Variants in LIMA1 observed in about 807,000 individuals in gnomAD.
LIMA1 encodes the protein LIM domain and actin binding 1.
Under a neutral mutation model 62.6 loss-of-function variants are expected in LIMA1, and 52 were observed. That is an observed-to-expected ratio of 0.83 (90% confidence interval 0.67 to 1.05). The LOEUF (loss-of-function observed/expected upper bound fraction) is 1.05. LIMA1 is among the 50% of genes least tolerant of loss of function. The pLI is 0.00. For missense variants in LIMA1, 780 were observed against 902.2 expected (o/e 0.86, Z 1.74); for synonymous variants, 302 against 317.8 (o/e 0.95, Z 0.53).
intron 1 of LIMA1, among the ~76,000 whole-genome samples, chr12:50,280,144 ATTTTTTTTTTTTTTT>A (rs71441354): frequency 1.5e-4 from 10 of 68,266 alleles, no homozygotes; most frequent in African/African-American, 4.8e-4. Flanking sequence ...GGGTAGTAGT[ATTTTTTTTTTTTTTT>A]TTTTTTTTTT....
intron 4 of LIMA1, among the ~76,000 whole-genome samples, chr12:50,210,432 A>G (rs888191124): frequency 5.3e-5 from 8 of 151,406 alleles, no homozygotes; most frequent in African/African-American, 1.5e-4. Flanking sequence ...AAAAAAAAAA[A>G]AAAGAAAAAA....
chr12:50,184,816 C>T (rs919450149), intron 9 of LIMA1, among the ~76,000 whole-genome samples: 33 of 151,870 alleles, frequency 2.2e-4, no homozygotes, highest in East Asian at 1.9e-4. Context: ...GGGAATTCTG[C>T]GTTTTTTGTT....
chr12:50,220,399 C>G lies in LIMA1; in HGVS notation c.630+1622G>C, dbSNP rs1941421056. On this transcript the variant is annotated intron_variant, in intron 4 of 10. Coordinates refer to ENST00000341247, the MANE Select transcript of LIMA1 (RefSeq NM_016357.5). ...ATGGAAAGTTTTTCTCCTCTCCAAG[C>G]AGCCTTAGGGAGATAGGCTTGTTCT... 3 of 152,108 alleles carry G rather than the reference C, an allele frequency of 2.0e-5. No homozygotes were observed. In the South Asian group the frequency reaches 6.2e-4, roughly 32 times the overall value. The allele number at this position is 152,108 out of a possible 1,614,324, so 9.4% of individuals were successfully genotyped here.
At chr12:50,267,051 T>C (rs902847761) in intron 1 of LIMA1, among the ~76,000 whole-genome samples, 15 of 151,758 alleles carry the variant, frequency 9.9e-5, no homozygotes, top group African/African-American at 3.6e-4. Flanking sequence ...CGTGCCACCA[T>C]GCCCAGCTAA....
chr12:50,186,970 T>A (rs1940645253), intron 9 of LIMA1: 2 of 152,190 alleles, frequency 1.3e-5, no homozygotes, highest in Non-Finnish European at 2.9e-5. Context: ...ATGAAATTAA[T>A]CCCACGACAG....
At chr12:50,271,100 C>T (rs1459169476) in intron 1 of LIMA1, among the ~76,000 whole-genome samples, 2 of 150,884 alleles carry the variant, frequency 1.3e-5, no homozygotes, top group Non-Finnish European at 3.0e-5. Context: ...TCAAAACAAA[C>T]AAACAAACAA....
At chr12:50,194,967 G>T (rs1325344539) in intron 8 of LIMA1, among the ~76,000 whole-genome samples, 1 of 152,112 alleles carries the variant, frequency 6.6e-6, no homozygotes, top group African/African-American at 2.4e-5. Context: ...AGAATCGCTT[G>T]AACCTGGGAG....
intron 1 of LIMA1, 74 bp from the exon 2 acceptor site, chr12:50,248,848 G>T: frequency 1.3e-6 from 1 of 778,420 alleles, no homozygotes; most frequent in Non-Finnish European, 2.2e-6. Context: ...GCAGTGGTGT[G>T]GTAGAGCCCT....
rs539730071 is a variant in LIMA1, at chr12:50,233,938, T to C, written c.120-2228A>G. Among the ~76,000 whole-genome samples the C allele has an allele frequency of 1.2e-3, 181 of 152,336 alleles. 1 individual carries two copies. The highest frequency in any genetic ancestry group is 2.1e-3 in the Non-Finnish European group (144 of 68,022). ...CACAAGAGTGATATGTGAGAAAAGT[T>C]TGTAATAAGCAGTGATTAGTTTAAT... On this transcript the variant is annotated intron_variant, in intron 2 of 10. Coordinates refer to ENST00000341247, the MANE Select transcript of LIMA1 (RefSeq NM_016357.5).
intron 7 of LIMA1, among the ~76,000 whole-genome samples, chr12:50,200,479 G>A (rs916343910): frequency 1.3e-5 from 2 of 152,246 alleles, no homozygotes; most frequent in African/African-American, 4.8e-5. Flanking sequence ...GGGATTACAG[G>A]CGTGAGCCAC....
chr12:50,180,998 G>C (rs1940488043), intron 10 of LIMA1, among the ~76,000 whole-genome samples: 1 of 151,216 alleles, frequency 6.6e-6, no homozygotes, highest in African/African-American at 2.4e-5. Context: ...TGTAGTCCCA[G>C]CTACTTGGGA....
intron 4 of LIMA1, among the ~76,000 whole-genome samples, chr12:50,214,267 T>C (rs1488622085): frequency 6.6e-6 from 1 of 152,110 alleles, no homozygotes; most frequent in Non-Finnish European, 1.5e-5. Context: ...AGTGCATTGA[T>C]AGAAAAACAA....
At chr12:50,273,714 G>A (rs1011211149) in intron 1 of LIMA1, among the ~76,000 whole-genome samples, 3 of 152,160 alleles carry the variant, frequency 2.0e-5, no homozygotes, top group African/African-American at 7.2e-5. Context: ...TCTAAACAGT[G>A]TGTCTAAACA....
chr12:50,234,429 G>C (rs554546595), intron 2 of LIMA1, among the ~76,000 whole-genome samples: 2 of 151,850 alleles, frequency 1.3e-5, no homozygotes, highest in African/African-American at 4.8e-5. Context: ...GGCTTGTCTC[G>C]AACTCCTGGC....
At chr12:50,228,540 C>T (rs1193409671) in intron 3 of LIMA1, among the ~76,000 whole-genome samples, 1 of 152,240 alleles carries the variant, frequency 6.6e-6, no homozygotes, top group East Asian at 1.9e-4. Flanking sequence ...AACCTTTAAA[C>T]ACCAAGGTGC....
intron 1 of LIMA1, among the ~76,000 whole-genome samples, chr12:50,252,579 CA>C (rs397936373): frequency 0.023 from 1,366 of 58,984 alleles, 6 homozygotes; most frequent in African/African-American, 0.077. Flanking sequence ...GAAACTGTCT[CA>C]AAAAAAAAAA....
intron 3 of LIMA1, among the ~76,000 whole-genome samples, chr12:50,231,276 G>A (rs1941607627): frequency 6.6e-6 from 1 of 152,154 alleles, no homozygotes; most frequent in Non-Finnish European, 1.5e-5. Flanking sequence ...AAACCCAGAA[G>A]ATGACAACAG....
intron 4 of LIMA1, among the ~76,000 whole-genome samples, chr12:50,207,900 A>AG (rs1941182822): frequency 1.3e-5 from 2 of 151,646 alleles, no homozygotes; most frequent in Non-Finnish European, 2.9e-5. Flanking sequence ...AAAAAAAAAA[A>AG]AAAAGAAAAG....
intron 1 of LIMA1, among the ~76,000 whole-genome samples, chr12:50,255,721 GA>G (rs35349128): frequency 0.017 from 2,363 of 141,960 alleles, 62 homozygotes; most frequent in African/African-American, 0.056. Context: ...GCAATTAAAA[GA>G]AAAAAAAAAA....
Sources: allele counts gnomAD v4.1 joint callset (sites outside exome capture counted in the v4.1 genomes callset), GRCh38; gene constraint gnomAD v4.1.1; transcripts MANE v1.5; gene names NCBI Gene and HGNC (gene_info 2026-07-23, HGNC 2026-07-21).